The following COL15A1 variants were observed in gnomAD, a reference collection of about 807,000 sequenced individuals.
COL15A1 encodes collagen alpha-1(XV) chain.
Under a neutral mutation model 165.9 loss-of-function variants are expected in COL15A1, and 111 were observed. That is an observed-to-expected ratio of 0.67 (90% CI 0.57 to 0.78). The LOEUF is 0.78. COL15A1 is among the 30% of genes least tolerant of loss of function. COL15A1 has a pLI of 0.00. For synonymous variants in COL15A1, 659 were observed against 674.8 expected (o/e 0.98, Z 0.36); for missense variants, 1,745 against 1,789.7 (o/e 0.98, Z 0.45).
At chr9:98,948,702 C>T (rs1837629317) in intron 2 of COL15A1, among the ~76,000 whole-genome samples, 1 of 151,978 alleles carries the variant, frequency 6.6e-6, no homozygotes, top group African/African-American at 2.4e-5. Flanking sequence ...ACCAATCCTT[C>T]CTTTTCCTGG....
At chr9:99,068,197 G>A (rs183056011) in intron 40 of COL15A1, among the ~76,000 whole-genome samples, 5 of 152,290 alleles carry the variant, frequency 3.3e-5, no homozygotes, top group Admixed American at 3.3e-4. Flanking sequence ...CAAGTGTGGT[G>A]GTGCATGCCT....
chr9:99,026,957 A>G (rs1176259784), intron 16 of COL15A1, among the ~76,000 whole-genome samples: 2 of 152,162 alleles, frequency 1.3e-5, no homozygotes, highest in Non-Finnish European at 2.9e-5. Flanking sequence ...TGATGCATGA[A>G]TGAAACTTTT....
intron 2 of COL15A1, among the ~76,000 whole-genome samples, chr9:98,944,993 G>A (rs377276659): frequency 2.0e-5 from 3 of 152,262 alleles, no homozygotes; most frequent in African/African-American, 7.2e-5. Context: ...GGATTTCATC[G>A]CTCTGTGCCT....
intron 2 of COL15A1, among the ~76,000 whole-genome samples, chr9:98,945,967 A>C (rs77652650): frequency 0.024 from 3,620 of 152,266 alleles, 243 homozygotes; most frequent in Admixed American, 0.14. Flanking sequence ...TATAATGTAA[A>C]AAGGGAGGGC....
chr9:99,056,497 T>C (rs1478452417), intron 35 of COL15A1, 93 bp downstream of exon 35: 2 of 1,476,670 alleles, frequency 1.4e-6, no homozygotes, highest in Non-Finnish European at 1.8e-6. Context: ...CTGCACTGCC[T>C]AACAGAGGGC....
At chr9:98,954,331 A>G (rs771010854) in intron 2 of COL15A1, among the ~76,000 whole-genome samples, 2 of 152,200 alleles carry the variant, frequency 1.3e-5, no homozygotes, top group African/African-American at 2.4e-5. Context: ...TCAAAGATAA[A>G]CCCTGCTAGC....
At chr9:99,056,232 C>G (rs374232180) in intron 34 of COL15A1, 28 bp from the exon 35 acceptor site, 4 of 1,611,624 alleles carry the variant, frequency 2.5e-6, no homozygotes, top group African/African-American at 1.3e-5. Context: ...GATGCTTTCT[C>G]TCTGTTATTG....
chr9:99,038,292 C>T (rs1209416168), intron 21 of COL15A1, among the ~76,000 whole-genome samples: 2 of 151,876 alleles, frequency 1.3e-5, no homozygotes, highest in African/African-American at 2.4e-5. Context: ...ACAATATGGC[C>T]GAGTGAAAAA....
At chr9:99,052,366 C>T (rs369199179) in intron 30 of COL15A1, 22 bp from the exon 31 acceptor site, 1 of 1,604,624 alleles carries the variant, frequency 6.2e-7, no homozygotes, top group Non-Finnish European at 8.5e-7. Flanking sequence ...CAGTGCCTAA[C>T]CTGGCCTTCC....
chr9:99,042,670 A>G (rs1444775046), intron 24 of COL15A1, among the ~76,000 whole-genome samples: 2 of 152,244 alleles, frequency 1.3e-5, no homozygotes, highest in South Asian at 2.1e-4. Context: ...ACAAATGTTA[A>G]TATTTATAAA....
intron 5 of COL15A1, among the ~76,000 whole-genome samples, chr9:98,991,259 AC>A (rs55896868): frequency 0.8 from 121,833 of 151,354 alleles, 49,130 homozygotes; most frequent in African/African-American, 0.88. Context: ...CCCTTATCTG[AC>A]CCCCCCCCAC....
chr9:98,962,305 G>A (rs527300803), intron 2 of COL15A1, among the ~76,000 whole-genome samples: 62 of 152,150 alleles, frequency 4.1e-4, no homozygotes, highest in Non-Finnish European at 6.6e-4. Context: ...GGTTGTACCC[G>A]TGAGACGTGG....
intron 18 of COL15A1, 70 bp from the exon 19 acceptor site, chr9:99,035,280 A>G (rs998127239): frequency 1.2e-6 from 2 of 1,611,206 alleles, no homozygotes; most frequent in African/African-American, 1.3e-5. Flanking sequence ...GCCAGCTTCC[A>G]ACACCACACC....
intron 2 of COL15A1, among the ~76,000 whole-genome samples, chr9:98,956,063 T>A (rs574411108): frequency 6.6e-6 from 1 of 152,358 alleles, no homozygotes; most frequent in Admixed American, 6.5e-5. Flanking sequence ...CCCAGCACTT[T>A]GGGAGGCCAA....
rs191329588 is a variant in COL15A1 at position 99,063,307 on chromosome 9, A to G, written c.3651+198A>G. Reference sequence around the variant, plus strand: ...GCACAGGGTGCTGGGGGTATAAGGGAGGGCAGAGACGTCTACCTGGAGGAG... The same window carrying G: ...GCACAGGGTGCTGGGGGTATAAGGGGGGGCAGAGACGTCTACCTGGAGGAG... On this transcript the variant is annotated intron_variant, in intron 39 of 41. Coordinates refer to ENST00000375001, the MANE Select transcript of COL15A1 (RefSeq NM_001855.5). Among the ~76,000 whole-genome samples, 122 of 152,238 alleles carry G rather than the reference A, an allele frequency of 8.0e-4. No individual in the cohort carries two copies. In the South Asian group the frequency reaches 0.013, roughly 16 times the overall value.
chr9:99,011,244 AAAACCCAATCTCTGG>A (rs1261275722), intron 9 of COL15A1, among the ~76,000 whole-genome samples: 1 of 152,156 alleles, frequency 6.6e-6, no homozygotes, highest in Non-Finnish European at 1.5e-5. Context: ...TTTAAAAATC[AAAACCCAATCTCTGG>A]AAAGACCATT....
chr9:99,035,828 G>A (rs1246846191), intron 19 of COL15A1, among the ~76,000 whole-genome samples: 2 of 152,138 alleles, frequency 1.3e-5, no homozygotes, highest in African/African-American at 4.8e-5. Context: ...CCTGGCAGGT[G>A]TTGTCCATCT....
rs1411105828 is a variant in COL15A1, at chr9:99,070,536, A to G, written c.*650A>G. ...TAACTCTGACTTGCTGGAAAAGTTG[A>G]AACTCCAAATAATCTGAAACTAGAA... On this transcript the variant is annotated 3_prime_UTR_variant, in exon 42 of 42. Coordinates refer to ENST00000375001, the MANE Select transcript of COL15A1 (RefSeq NM_001855.5). 1 of 340,732 alleles carries G rather than the reference A, an allele frequency of 2.9e-6. No individual in the cohort carries two copies. The highest frequency in any genetic ancestry group is 5.9e-6 in the Non-Finnish European group (1 of 169,132). 21.1% of individuals were successfully genotyped at this position (340,732 alleles called of 1,614,324 possible). A position where few individuals can be genotyped will look rare whatever the true frequency, so the allele number is the denominator to read the frequency against.
In COL15A1 at chr9:99,023,412, G is replaced by A. The variant is rs1373942990; in HGVS notation, c.1817G>A (p.Gly606Asp). Residue 606 changes from glycine to aspartate, a missense_variant, in exon 14 of 42, where the codon GGC (glycine) becomes GAC (aspartate). Transcript: ENST00000375001. Reference protein sequence around the residue: ...GLGWGSDVGSGSGDLVGSEQL... With the variant: ...GLGWGSDVGSDSGDLVGSEQL... ...GGCTGGGGCTCGGACGTCGGCTCTG[G>A]CTCTGGTGACCTGGTGGGCAGTGAG... 6.3e-7 allele frequency: 1 copy of A among 1,579,000 alleles called. No homozygotes were observed. Among genetic ancestry groups the A allele is most frequent in the East Asian group, 2.2e-5 (1 of 44,674 alleles).
Sources: gnomAD v4.1 joint callset for allele counts (sites outside exome capture counted in the v4.1 genomes callset) on GRCh38, gnomAD v4.1.1 for gene constraint, MANE v1.5 for transcripts, NCBI Gene and HGNC (gene_info 2026-07-23, HGNC 2026-07-21) for gene names.